Variants in PXK observed in about 807,000 individuals in gnomAD.
PXK encodes the protein PX domain containing serine/threonine kinase like.
A neutral mutation model predicts 84.7 loss-of-function variants in PXK; 35 were observed. The ratio of observed to expected loss-of-function variants is 0.41; its 90% confidence interval spans 0.32 to 0.55. The LOEUF (loss-of-function observed/expected upper bound fraction) is 0.55, where lower values mean the gene tolerates loss of function less well. PXK is among the 20% of genes least tolerant of loss of function. The pLI, the probability that PXK is intolerant of heterozygous loss-of-function variation, is 0.21. For missense variants in PXK, 634 were observed against 699.7 expected (o/e 0.91, Z 1.06); for synonymous variants, 253 against 260.8 (o/e 0.97, Z 0.29).
At chr3:58,367,085 T>G (rs1317552231) in intron 2 of PXK, among the ~76,000 whole-genome samples, 1 of 152,154 alleles carries the variant, frequency 6.6e-6, no homozygotes, top group Non-Finnish European at 1.5e-5. Context: ...ATGTAGACTC[T>G]TGGGCCCCAT....
intron 1 of PXK, among the ~76,000 whole-genome samples, chr3:58,356,764 C>A (rs187478163): frequency 6.6e-6 from 1 of 151,690 alleles, no homozygotes; most frequent in Middle Eastern, 3.2e-3. Context: ...CCTCCATGCC[C>A]GGCTAATTTT....
Position 58,397,269 on chromosome 3 carries a change from G to T in PXK, c.984+69G>T. The T allele has an allele frequency of 6.5e-7, 1 of 1,529,128 alleles. No homozygotes were observed. The highest frequency in any genetic ancestry group is 1.9e-4 in the Middle Eastern group (1 of 5,366). The allele number at this position is 1,529,128 out of a possible 1,614,324, so 94.7% of individuals were successfully genotyped here. The stretch of plus-strand genomic sequence containing the variant: ...TCAGTTATCCCCATGATCTGCCCAT[G>T]TAGGAAATATGCACCAAGTAGTGAA... On this transcript the variant is annotated intron_variant, in intron 10 of 17. Transcript: ENST00000356151. This position sits in a 1 kb window ranked among gnomAD's most constrained non-coding sequence, Gnocchi z 4.7.
intron 13 of PXK, among the ~76,000 whole-genome samples, chr3:58,405,159 T>C (rs1419940443): frequency 6.6e-6 from 1 of 152,198 alleles, no homozygotes; most frequent in Non-Finnish European, 1.5e-5. Flanking sequence ...TGGAAAGATA[T>C]ACAGGAGACT....
chr3:58,423,250 T>C (rs988324465), intron 17 of PXK: 2 of 976,294 alleles, frequency 2.0e-6, no homozygotes, highest in African/African-American at 3.5e-5. Context: ...CCTTTTTATC[T>C]CTGTAACCTG....
intron 1 of PXK, among the ~76,000 whole-genome samples, chr3:58,340,409 C>T (rs1401851714): frequency 1.3e-5 from 2 of 150,914 alleles, no homozygotes. Flanking sequence ...AAGTGTGAGC[C>T]ACCGCACCAA....
In PXK at chr3:58,372,793, A is replaced by AT. The variant is rs1304878148; in HGVS notation, c.201+3320dup. 1.0e-4 allele frequency among the ~76,000 whole-genome samples: 15 copies of AT among 147,232 alleles called. No individual in the cohort carries two copies. The East Asian group carries it at 1.2e-3, about 12-fold the overall frequency. ...AGGCACGTGCCACCATGCCCGGCTA[A>AT]TTTTTGTATTTTTAGTAGAGACGGG... On this transcript the variant is annotated intron_variant, in intron 3 of 17. Transcript: ENST00000356151.
intron 7 of PXK, among the ~76,000 whole-genome samples, chr3:58,392,945 C>G (rs1347719024): frequency 6.6e-6 from 1 of 151,958 alleles, no homozygotes; most frequent in Non-Finnish European, 1.5e-5. Context: ...CAGGTGTGAG[C>G]CACCGCACCC....
At chr3:58,339,981 AT>A (rs1298227414) in intron 1 of PXK, among the ~76,000 whole-genome samples, 1 of 150,756 alleles carries the variant, frequency 6.6e-6, no homozygotes, top group African/African-American at 2.4e-5. Flanking sequence ...TGCCTGGCTA[AT>A]TTTTTTTGTA....
chr3:58,368,331 C>T (rs938662489), intron 2 of PXK, among the ~76,000 whole-genome samples: 204 of 148,620 alleles, frequency 1.4e-3, no homozygotes, highest in Non-Finnish European at 2.6e-3. Flanking sequence ...GTGAGCCCTT[C>T]TTTTTTTTTT....
intron 1 of PXK, among the ~76,000 whole-genome samples, chr3:58,337,330 C>A (rs959106935): frequency 6.6e-6 from 1 of 152,200 alleles, no homozygotes. Flanking sequence ...AAACTGCATT[C>A]CTGCATGGCT....
intron 3 of PXK, among the ~76,000 whole-genome samples, chr3:58,373,676 T>A (rs2098408556): frequency 6.6e-6 from 1 of 152,158 alleles, no homozygotes; most frequent in Non-Finnish European, 1.5e-5. Flanking sequence ...GTTGAAAGTT[T>A]TTCATTCCTG....
rs1392077808 is a variant in PXK at position 58,398,017 on chromosome 3, A to T, written c.1102+295A>T. ...GAGAAGTATGGCCTGCATGAGTGTGATGCAGAAGCTAGAGCCAGGCAACTT... is the reference window on the plus strand; with the variant it reads ...GAGAAGTATGGCCTGCATGAGTGTGTTGCAGAAGCTAGAGCCAGGCAACTT... On this transcript the variant is annotated intron_variant, in intron 11 of 17. Coordinates refer to ENST00000356151, the MANE Select transcript of PXK (RefSeq NM_017771.5). This position sits in a 1 kb window ranked among gnomAD's most constrained non-coding sequence, Gnocchi z 4.5. Among the ~76,000 whole-genome samples the T allele has an allele frequency of 1.3e-5, 2 of 152,196 alleles. No homozygotes were observed. The highest frequency in any genetic ancestry group is 2.4e-5 in the African/African-American group (1 of 41,462).
At position 58,333,456 on chromosome 3, in the gene PXK, C is replaced by T. The variant is rs2097532388; in HGVS notation, c.102+366C>T. 1 of 444,726 alleles carries T rather than the reference C, an allele frequency of 2.2e-6. No homozygotes were observed. The highest frequency in any genetic ancestry group is 2.4e-5 in the Admixed American group (1 of 41,986). The allele number at this position is 444,726 out of a possible 1,614,324, so 27.5% of individuals were successfully genotyped here. A position where few individuals can be genotyped will look rare whatever the true frequency, so the allele number is the denominator to read the frequency against. On this transcript the variant is annotated intron_variant, in intron 1 of 17. Transcript: ENST00000356151. The surrounding 1 kb of genome is among the most constrained non-coding windows in gnomAD (Gnocchi z 5.4). ...CGAGACCGCTCAGGACCATCCACTTCTGCCCGCCGCCAGCCTTTTCCTTTT... is the reference window on the plus strand; with the variant it reads ...CGAGACCGCTCAGGACCATCCACTTTTGCCCGCCGCCAGCCTTTTCCTTTT...
chr3:58,373,986 A>G (rs2098413704), intron 3 of PXK, among the ~76,000 whole-genome samples: 1 of 147,930 alleles, frequency 6.8e-6, no homozygotes, highest in South Asian at 2.2e-4. Flanking sequence ...TGGAGCTTGC[A>G]GTGAGCCGAG....
At chr3:58,342,381 G>T (rs1371843892) in intron 1 of PXK, among the ~76,000 whole-genome samples, 1 of 152,024 alleles carries the variant, frequency 6.6e-6, no homozygotes. Context: ...GGTGGCTCTT[G>T]CCTGTAATCA....
At chr3:58,352,496 T>C (rs1203268085) in intron 1 of PXK, among the ~76,000 whole-genome samples, 1 of 152,226 alleles carries the variant, frequency 6.6e-6, no homozygotes, top group Non-Finnish European at 1.5e-5. Flanking sequence ...TTTAGGACAT[T>C]GTGAGGATTA....
At chr3:58,420,567 C>A in intron 17 of PXK, 1 of 1,535,988 alleles carries the variant, frequency 6.5e-7, no homozygotes, top group Non-Finnish European at 8.7e-7. Flanking sequence ...CGTGAATTTT[C>A]GGTAAAGTAA....
chr3:58,394,978 T>C lies in PXK; in HGVS notation c.616-20T>C. ...AGATCCTGACGCAAATCAATGTGAA[T>C]TTCTTTTTTGTTTTGACAGCACCCT... On this transcript the variant is annotated intron_variant, in intron 7 of 17. Coordinates refer to ENST00000356151, the MANE Select transcript of PXK (RefSeq NM_017771.5). The C allele has an allele frequency of 6.4e-7, 1 of 1,571,422 alleles. No individual in the cohort carries two copies. The highest frequency in any genetic ancestry group is 8.8e-7 in the Non-Finnish European group (1 of 1,142,048).
intron 1 of PXK, among the ~76,000 whole-genome samples, chr3:58,342,647 A>AAG (rs1553743385): frequency 1.6e-4 from 22 of 138,794 alleles, no homozygotes; most frequent in East Asian, 6.1e-4. Context: ...AAAAAAAAAA[A>AAG]AAAAGAAAAG....
Sources: allele counts gnomAD v4.1 joint callset (sites outside exome capture counted in the v4.1 genomes callset), GRCh38; gene constraint gnomAD v4.1.1; non-coding constraint Gnocchi (gnomAD v3.1); transcripts MANE v1.5; gene names NCBI Gene and HGNC (gene_info 2026-07-23, HGNC 2026-07-21).